B3GALT1: variants seen among roughly 807,000 people sequenced by gnomAD.
B3GALT1 encodes UDP-Gal:betaGlcNAc beta 1,3-galactosyltransferase, polypeptide 1.
A neutral mutation model predicts 23.2 loss-of-function variants in B3GALT1; 10 were observed. That is an observed-to-expected ratio of 0.43 (90% CI 0.27 to 0.73). B3GALT1 has a LOEUF of 0.73. Ranked by LOEUF, B3GALT1 falls within the 30% of genes least tolerant of loss-of-function variation. B3GALT1 has a pLI of 0.21. For synonymous variants in B3GALT1, 156 were observed against 141.5 expected (o/e 1.10, Z -0.73); for missense variants, 299 against 405.4 (o/e 0.74, Z 2.25).
chr2:167,512,311 T>C (rs536533756), intron 2 of B3GALT1, among the ~76,000 whole-genome samples: 1 of 151,664 alleles, frequency 6.6e-6, no homozygotes, highest in Non-Finnish European at 1.5e-5. Context: ...TGAATACATT[T>C]TGAATTTTGT....
intron 1 of B3GALT1, among the ~76,000 whole-genome samples, chr2:167,457,919 A>G (rs1290158577): frequency 6.6e-6 from 1 of 152,222 alleles, no homozygotes; most frequent in African/African-American, 2.4e-5. Flanking sequence ...AAGATTCTGT[A>G]CACACTTATT....
chr2:167,763,304 CT>C, intron 3 of B3GALT1, among the ~76,000 whole-genome samples: 1 of 152,010 alleles, frequency 6.6e-6, no homozygotes, highest in Non-Finnish European at 1.5e-5. Context: ...TTCTTTCAAC[CT>C]TTAGTTGGCC....
intron 1 of B3GALT1, among the ~76,000 whole-genome samples, chr2:167,436,937 CA>C (rs1698794795): frequency 6.6e-6 from 1 of 152,132 alleles, no homozygotes; most frequent in Non-Finnish European, 1.5e-5. Context: ...CATAAATGGG[CA>C]GCTGAGATAT....
intron 3 of B3GALT1, among the ~76,000 whole-genome samples, chr2:167,810,203 G>C (rs1467738227): frequency 6.6e-6 from 1 of 151,040 alleles, no homozygotes; most frequent in African/African-American, 2.5e-5. Flanking sequence ...CTAGGAAAGG[G>C]AATTCCCTGA....
intron 4 of B3GALT1, among the ~76,000 whole-genome samples, chr2:167,824,166 A>T (rs1325710338): frequency 2.6e-5 from 4 of 152,242 alleles, no homozygotes; most frequent in African/African-American, 7.2e-5. Context: ...GAATTAAAAG[A>T]AAAAGCTAGT....
intron 2 of B3GALT1, among the ~76,000 whole-genome samples, chr2:167,523,355 T>C (rs1416284808): frequency 6.6e-6 from 1 of 152,052 alleles, no homozygotes; most frequent in Non-Finnish European, 1.5e-5. Context: ...CATTCTGCTC[T>C]TGCCCACACA....
chr2:167,583,271 T>A (rs1195182944), intron 2 of B3GALT1, among the ~76,000 whole-genome samples: 2 of 152,194 alleles, frequency 1.3e-5, no homozygotes, highest in African/African-American at 4.8e-5. Context: ...GACATTTCTT[T>A]TATTGCCCTA....
chr2:167,417,385 C>T (rs1698487474), intron 1 of B3GALT1, among the ~76,000 whole-genome samples: 2 of 152,138 alleles, frequency 1.3e-5, no homozygotes, highest in Non-Finnish European at 2.9e-5. Context: ...GCCCAGTTCC[C>T]ATCAGCTAGA....
intron 2 of B3GALT1, among the ~76,000 whole-genome samples, chr2:167,510,486 A>C (rs1574110208): frequency 6.6e-6 from 1 of 151,646 alleles, no homozygotes; most frequent in Middle Eastern, 3.4e-3. Context: ...TCCATAGATA[A>C]GAACTCCCCA....
intron 2 of B3GALT1, among the ~76,000 whole-genome samples, chr2:167,631,319 G>A (rs1212213936): frequency 6.6e-6 from 1 of 151,836 alleles, no homozygotes; most frequent in Non-Finnish European, 1.5e-5. Flanking sequence ...ACCTGGAGAA[G>A]AGAAAAGTTT....
In B3GALT1 at chr2:167,544,342, C is replaced by T. The variant is rs183862685; in HGVS notation, c.-410+54065C>T. Among the ~76,000 whole-genome samples, 886 of 152,086 alleles carry T rather than the reference C, an allele frequency of 5.8e-3. 5 individuals carry two copies. Among genetic ancestry groups the T allele is most frequent in the Non-Finnish European group, 9.2e-3 (626 of 67,990 alleles). On this transcript the variant is annotated intron_variant, in intron 2 of 4. Transcript: ENST00000392690. ...CAGAGTCTCAATCTGTTGCCCAGGC[C>T]GGAGTGCAGTGGCATGATCTCGGTT...
At chr2:167,387,832 T>C (rs1212471919) in intron 1 of B3GALT1, among the ~76,000 whole-genome samples, 1 of 152,254 alleles carries the variant, frequency 6.6e-6, no homozygotes, top group Non-Finnish European at 1.5e-5. Flanking sequence ...GGCTAAAAAG[T>C]TGCCTTACTT....
intron 3 of B3GALT1, among the ~76,000 whole-genome samples, chr2:167,718,364 A>G (rs1687184055): frequency 6.6e-6 from 1 of 152,184 alleles, no homozygotes; most frequent in African/African-American, 2.4e-5. Context: ...TGCAGGGCAA[A>G]GACATGATAT....
At chr2:167,478,649 G>A (rs900029164) in intron 1 of B3GALT1, among the ~76,000 whole-genome samples, 1 of 151,676 alleles carries the variant, frequency 6.6e-6, no homozygotes, top group Non-Finnish European at 1.5e-5. Context: ...CATGTGCCAT[G>A]TTGGTGTGCT....
intron 4 of B3GALT1, among the ~76,000 whole-genome samples, chr2:167,835,338 G>T (rs1291687038): frequency 6.6e-6 from 1 of 150,952 alleles, no homozygotes; most frequent in Admixed American, 6.6e-5. Context: ...CGAATACTGT[G>T]CTTTTCCGAC....
intron 3 of B3GALT1, among the ~76,000 whole-genome samples, chr2:167,756,353 T>C (rs896441743): frequency 5.9e-5 from 9 of 152,178 alleles, no homozygotes; most frequent in African/African-American, 1.9e-4. Flanking sequence ...CATTTGAACA[T>C]ACGGATCATT....
At chr2:167,742,954 A>T (rs1426949735) in intron 3 of B3GALT1, among the ~76,000 whole-genome samples, 1 of 152,138 alleles carries the variant, frequency 6.6e-6, no homozygotes, top group African/African-American at 2.4e-5. Flanking sequence ...TGTCACATGT[A>T]TATCATAAAC....
intron 2 of B3GALT1, among the ~76,000 whole-genome samples, chr2:167,503,311 A>G (rs1194148177): frequency 6.6e-6 from 1 of 152,134 alleles, no homozygotes; most frequent in Admixed American, 6.6e-5. Context: ...AAGGGTGCAT[A>G]TACTTTAAAT....
chr2:167,863,507 T>C (rs1370316250), intron 4 of B3GALT1, among the ~76,000 whole-genome samples: 1 of 152,166 alleles, frequency 6.6e-6, no homozygotes, highest in Non-Finnish European at 1.5e-5. Context: ...TTGTGCCCTC[T>C]CTTTATGTTT....
Sources: gnomAD v4.1 joint callset for allele counts (sites outside exome capture counted in the v4.1 genomes callset) on GRCh38, gnomAD v4.1.1 for gene constraint, MANE v1.5 for transcripts, NCBI Gene and HGNC (gene_info 2026-07-23, HGNC 2026-07-21) for gene names.